Variants in GPHN observed in about 807,000 individuals in gnomAD.
The protein encoded by GPHN is gephyrin.
A neutral mutation model predicts 95.5 loss-of-function variants in GPHN; 17 were observed. The ratio of observed to expected loss-of-function variants is 0.18; its 90% confidence interval spans 0.12 to 0.27. GPHN has a LOEUF of 0.27. Ranked by LOEUF, GPHN falls within the 10% of genes least tolerant of loss-of-function variation. The probability of loss-of-function intolerance (pLI) is 1.00; values close to 1 mark genes in which losing one functional copy is unlikely to be tolerated. For synonymous variants in GPHN, 320 were observed against 322.5 expected (o/e 0.99, Z 0.08); for missense variants, 660 against 978.1 (o/e 0.67, Z 4.34).
At chr14:67,074,832 T>C (rs933117494) in intron 11 of GPHN, among the ~76,000 whole-genome samples, 1 of 152,068 alleles carries the variant, frequency 6.6e-6, no homozygotes, top group African/African-American at 2.4e-5. Flanking sequence ...GTGAAAAAGG[T>C]ATAGAAGAAA....
At chr14:66,612,952 G>A (rs2062844839) in intron 1 of GPHN, among the ~76,000 whole-genome samples, 1 of 152,012 alleles carries the variant, frequency 6.6e-6, no homozygotes, top group Admixed American at 6.6e-5. Context: ...TTTGGTTTAT[G>A]GACTTTTTGA....
At chr14:67,459,393 G>GCAAAAA in the GPHN span, among the ~76,000 whole-genome samples, 1 of 152,172 alleles carries the variant, frequency 6.6e-6, no homozygotes, top group Non-Finnish European at 1.5e-5. Context: ...AAAACCTGAT[G>GCAAAAA]AATCAGGGAA....
At chr14:67,569,511 A>G in the GPHN span, among the ~76,000 whole-genome samples, 1 of 146,486 alleles carries the variant, frequency 6.8e-6, no homozygotes, top group Non-Finnish European at 1.5e-5. Flanking sequence ...CTGCAGTGCC[A>G]GGGCCGTGGG....
At chr14:67,264,117 C>T in the GPHN span, among the ~76,000 whole-genome samples, 1 of 152,078 alleles carries the variant, frequency 6.6e-6, no homozygotes, top group African/African-American at 2.4e-5. Context: ...TAGATGATGT[C>T]GTGGACATGC....
At chr14:67,119,103 T>A (rs188816927) in intron 16 of GPHN, among the ~76,000 whole-genome samples, 20 of 152,306 alleles carry the variant, frequency 1.3e-4, no homozygotes, top group Non-Finnish European at 2.5e-4. Flanking sequence ...GTCAGTCTTA[T>A]CTTCAGAGCA....
intron 1 of GPHN, among the ~76,000 whole-genome samples, chr14:66,620,331 C>T (rs1437903138): frequency 6.6e-6 from 1 of 152,034 alleles, no homozygotes; most frequent in Non-Finnish European, 1.5e-5. Context: ...TAAAGACATA[C>T]CTGAGACTGG....
the GPHN span, among the ~76,000 whole-genome samples, chr14:67,421,402 A>G: frequency 6.6e-6 from 1 of 152,152 alleles, no homozygotes; most frequent in East Asian, 1.9e-4. Flanking sequence ...TCCACTTTAC[A>G]GGGGAGGAAG....
chr14:66,884,267 T>C (rs1480273512), intron 5 of GPHN, among the ~76,000 whole-genome samples: 1 of 152,064 alleles, frequency 6.6e-6, no homozygotes, highest in African/African-American at 2.4e-5. Context: ...AGAGCTGTTA[T>C]TCAAGTTCTG....
intron 13 of GPHN, among the ~76,000 whole-genome samples, chr14:67,101,972 C>T (rs1480204392): frequency 6.6e-6 from 1 of 151,912 alleles, no homozygotes; most frequent in Non-Finnish European, 1.5e-5. Flanking sequence ...CCCGGGCTCA[C>T]GCCATTCTCC....
chr14:66,614,843 C>G (rs978146396), intron 1 of GPHN, among the ~76,000 whole-genome samples: 2 of 151,670 alleles, frequency 1.3e-5, no homozygotes, highest in African/African-American at 4.8e-5. Context: ...ACATATTGAC[C>G]CATCCTCTAA....
chr14:67,122,172 C>T (rs2079045891), intron 16 of GPHN, 84 bp from the exon 17 acceptor site: 3 of 1,389,646 alleles, frequency 2.2e-6, no homozygotes, highest in East Asian at 2.3e-5. Context: ...ATATGCTAAA[C>T]TCAGTTTAGT....
chr14:66,929,860 C>T (rs531492562), intron 8 of GPHN, among the ~76,000 whole-genome samples: 21 of 152,060 alleles, frequency 1.4e-4, no homozygotes, highest in South Asian at 6.2e-4. Context: ...TACAGGCGCC[C>T]GCCACCACGC....
chr14:66,562,963 G>T (rs565265792), intron 1 of GPHN, among the ~76,000 whole-genome samples: 1 of 152,040 alleles, frequency 6.6e-6, no homozygotes, highest in South Asian at 2.1e-4. Context: ...GCGTATTTTG[G>T]GGTGGCATAC....
the GPHN span, among the ~76,000 whole-genome samples, chr14:67,608,328 G>C: frequency 6.6e-6 from 1 of 152,170 alleles, no homozygotes; most frequent in African/African-American, 2.4e-5. Context: ...CAGGATAATG[G>C]CTATTTACAT....
chr14:67,596,742 C>A, the GPHN span, among the ~76,000 whole-genome samples: 1 of 152,172 alleles, frequency 6.6e-6, no homozygotes, highest in Admixed American at 6.5e-5. Flanking sequence ...CAGCAAGAAT[C>A]CTGTCAAGTC....
chr14:67,460,159 G>A, the GPHN span, among the ~76,000 whole-genome samples: 2 of 152,084 alleles, frequency 1.3e-5, no homozygotes, highest in East Asian at 1.9e-4. Context: ...CCCATACCCC[G>A]CCTCCCTTTT....
At chr14:66,922,555 A>G (rs2066277678) in intron 6 of GPHN, 111 bp from the exon 7 acceptor site, 2 of 771,292 alleles carry the variant, frequency 2.6e-6, no homozygotes, top group Non-Finnish European at 2.1e-6. Context: ...TGATTCTGAG[A>G]TTGATGGAGG....
chr14:66,736,823 G>A (rs2072333216), intron 2 of GPHN, among the ~76,000 whole-genome samples: 1 of 152,136 alleles, frequency 6.6e-6, no homozygotes, highest in Admixed American at 6.5e-5. Context: ...AACTTCTGCA[G>A]TGTTTTGAAT....
At chr14:66,909,704 G>T (rs2065572248) in intron 5 of GPHN, among the ~76,000 whole-genome samples, 1 of 151,978 alleles carries the variant, frequency 6.6e-6, no homozygotes, top group South Asian at 2.1e-4. Flanking sequence ...ATTAGATATT[G>T]TTAGTATTCT....
Sources: allele counts gnomAD v4.1 joint callset (sites outside exome capture counted in the v4.1 genomes callset), GRCh38; gene constraint gnomAD v4.1.1; transcripts MANE v1.5; gene names NCBI Gene and HGNC (gene_info 2026-07-23, HGNC 2026-07-21).